Variants in PDZK1 observed in about 807,000 individuals in gnomAD.
PDZK1 encodes Na(+)/H(+) exchange regulatory cofactor NHE-RF3.
A neutral mutation model predicts 38.1 loss-of-function variants in PDZK1; 23 were observed. That is an observed-to-expected ratio of 0.60 (90% CI 0.43 to 0.85). The LOEUF (loss-of-function observed/expected upper bound fraction) is 0.85. PDZK1 is among the 40% of genes least tolerant of loss of function. The pLI, the probability that PDZK1 is intolerant of heterozygous loss-of-function variation, is 0.00. For missense variants in PDZK1, 297 were observed against 504.3 expected, an observed-to-expected ratio of 0.59 and a Z score of 3.94; for synonymous variants, 98 against 186.2, an observed-to-expected ratio of 0.53 and a Z score of 3.86.
chr1:145,696,852 G>T (rs937119308), intron 1 of PDZK1, among the ~76,000 whole-genome samples: 10 of 152,172 alleles, frequency 6.6e-5, no homozygotes, highest in Non-Finnish European at 1.3e-4. Context: ...GTCAGTTTGA[G>T]GTAGGTTTCA....
intron 6 of PDZK1, among the ~76,000 whole-genome samples, chr1:145,674,760 G>A (rs1382263198): frequency 6.6e-6 from 1 of 152,046 alleles, no homozygotes; most frequent in African/African-American, 2.4e-5. Context: ...CTGTCGTGGG[G>A]CTTCTCAGCC....
chr1:145,697,920 G>T, intron 1 of PDZK1, among the ~76,000 whole-genome samples: 1 of 151,594 alleles, frequency 6.6e-6, no homozygotes, highest in Non-Finnish European at 1.5e-5. Flanking sequence ...ACCCAGCCTG[G>T]ATGTTTTTAT....
chr1:145,697,159 T>G (rs587664804), intron 1 of PDZK1, among the ~76,000 whole-genome samples: 5 of 152,038 alleles, frequency 3.3e-5, no homozygotes, highest in Admixed American at 2.0e-4. Flanking sequence ...AAGCCCCATC[T>G]CTTCTAAAAA....
rs139711913 is a variant in PDZK1, at chr1:145,672,605, T to C, written c.1506+125A>G. The C allele has an allele frequency of 9.6e-3, 12,058 of 1,254,704 alleles. 109 individuals are homozygous for C. Among genetic ancestry groups the C allele is most frequent in the Non-Finnish European group, 0.012 (11,052 of 903,348 alleles). 77.7% of individuals were successfully genotyped at this position (1,254,704 alleles called of 1,614,324 possible). On this transcript the variant is annotated intron_variant, in intron 8 of 8. Transcript: ENST00000417171. The stretch of plus-strand genomic sequence containing the variant: ...CTACAATAACTTGATTTGTTAGTTA[T>C]CTTTACATTTTCATTTTCTAGTTTT...
chr1:145,687,480 G>C (rs183935988), intron 2 of PDZK1, among the ~76,000 whole-genome samples: 2 of 132,794 alleles, frequency 1.5e-5, no homozygotes, highest in African/African-American at 5.8e-5. Context: ...AACCGAGATC[G>C]CACCACTGCA....
In PDZK1 at chr1:145,677,910, TAAAAAAAAA is replaced by T. The variant is rs71077285; in HGVS notation, c.990+530_990+538del. ...ACAACCTCAGTTCTTGTGTTAAAAG[TAAAAAAAAA>T]AAAAAAAAAAAAAAAAAAAACCTTA... On this transcript the variant is annotated intron_variant, in intron 6 of 8. Transcript: ENST00000417171. Among the ~76,000 whole-genome samples the T allele has an allele frequency of 3.4e-4, 23 of 68,602 alleles. No individual in the cohort carries two copies. The South Asian group carries it at 9.6e-3, about 28-fold the overall frequency. 45.0% of individuals were successfully genotyped at this position (68,602 alleles called of 152,430 possible). A position where few individuals can be genotyped will look rare whatever the true frequency, so the allele number is the denominator to read the frequency against.
At chr1:145,703,923 G>A (rs1656109372) in intron 1 of PDZK1, among the ~76,000 whole-genome samples, 2 of 151,976 alleles carry the variant, frequency 1.3e-5, no homozygotes, top group South Asian at 2.1e-4. Context: ...CTGCCACTTG[G>A]ATTCAAGCAA....
At chr1:145,688,790 C>A (rs1185232796) in intron 1 of PDZK1, among the ~76,000 whole-genome samples, 1 of 152,102 alleles carries the variant, frequency 6.6e-6, no homozygotes, top group East Asian at 1.9e-4. Context: ...GAAACCCCAG[C>A]TCTACTAAAA....
intron 1 of PDZK1, among the ~76,000 whole-genome samples, chr1:145,693,581 T>G (rs1655413053): frequency 6.6e-6 from 1 of 152,008 alleles, no homozygotes; most frequent in Non-Finnish European, 1.5e-5. Context: ...GATACCATCC[T>G]GGCTAACACC....
At chr1:145,690,020 A>G (rs1655112453) in intron 1 of PDZK1, among the ~76,000 whole-genome samples, 1 of 152,248 alleles carries the variant, frequency 6.6e-6, no homozygotes, top group South Asian at 2.1e-4. Flanking sequence ...CCCATCGAGC[A>G]TTGAGGCAAG....
chr1:145,673,234 G>C (rs1653271766), intron 7 of PDZK1, among the ~76,000 whole-genome samples: 2 of 152,176 alleles, frequency 1.3e-5, no homozygotes, highest in African/African-American at 4.8e-5. Context: ...ATTATAAATA[G>C]TGGTTCAGCA....
At chr1:145,696,485 A>G (rs1655636010) in intron 1 of PDZK1, among the ~76,000 whole-genome samples, 1 of 152,188 alleles carries the variant, frequency 6.6e-6, no homozygotes, top group Admixed American at 6.6e-5. Flanking sequence ...GTGGGACCCT[A>G]ATTCAACAGG....
chr1:145,693,964 C>T (rs1195589667), intron 1 of PDZK1, among the ~76,000 whole-genome samples: 2 of 152,098 alleles, frequency 1.3e-5, no homozygotes, highest in African/African-American at 4.8e-5. Flanking sequence ...TTGGTCACAC[C>T]GTGCAGTCCT....
intron 1 of PDZK1, among the ~76,000 whole-genome samples, chr1:145,695,354 G>A (rs587763182): frequency 6.6e-6 from 1 of 152,164 alleles, no homozygotes; most frequent in African/African-American, 2.4e-5. Flanking sequence ...CCCAGGAAGC[G>A]GAGGTTGCAG....
At chr1:145,689,266 A>G (rs782694325) in intron 1 of PDZK1, among the ~76,000 whole-genome samples, 1 of 152,148 alleles carries the variant, frequency 6.6e-6, no homozygotes, top group Non-Finnish European at 1.5e-5. Flanking sequence ...TTTTTTAGAG[A>G]CAGTGTCTTG....
intron 2 of PDZK1, 93 bp downstream of exon 2, chr1:145,687,719 A>G: frequency 1.8e-6 from 2 of 1,116,046 alleles, no homozygotes; most frequent in Non-Finnish European, 2.7e-6. Context: ...CCAGGAAAGA[A>G]CCAAACTCTA....
chr1:145,679,221 G>C (rs1475086379), intron 5 of PDZK1, among the ~76,000 whole-genome samples: 1 of 150,308 alleles, frequency 6.7e-6, no homozygotes, highest in Non-Finnish European at 1.5e-5. Flanking sequence ...TAGCTGCTGG[G>C]TATCTCCAAC....
chr1:145,679,896 T>C (rs1654065396), intron 5 of PDZK1, among the ~76,000 whole-genome samples: 1 of 152,224 alleles, frequency 6.6e-6, no homozygotes, highest in Non-Finnish European at 1.5e-5. Flanking sequence ...CGAATTCTTG[T>C]ACTACACATC....
intron 5 of PDZK1, among the ~76,000 whole-genome samples, chr1:145,679,940 C>T (rs1654070754): frequency 6.6e-6 from 1 of 152,222 alleles, no homozygotes; most frequent in Admixed American, 6.5e-5. Flanking sequence ...TGTCTCCTGA[C>T]TGTGTTCACA....
Sources: allele counts gnomAD v4.1 joint callset (sites outside exome capture counted in the v4.1 genomes callset), GRCh38; gene constraint gnomAD v4.1.1; transcripts MANE v1.5; gene names NCBI Gene and HGNC (gene_info 2026-07-23, HGNC 2026-07-21).